Variants in GDPD1 observed in about 807,000 individuals in gnomAD.
The protein encoded by GDPD1 is lysophospholipase D GDPD1.
GDPD1 carries 28 observed loss-of-function variants against 45.1 expected under a neutral mutation model. The observed-to-expected ratio is 0.62, with a 90% confidence interval of 0.46 to 0.85. The LOEUF is 0.85. Among genes scored for constraint, GDPD1 ranks in the 40% least tolerant of loss-of-function variants. GDPD1 has a pLI of 0.00. For synonymous variants in GDPD1, 139 were observed against 131.4 expected (o/e 1.06, Z -0.40); for missense variants, 256 against 364.8 (o/e 0.70, Z 2.43).
intron 6 of GDPD1, among the ~76,000 whole-genome samples, chr17:59,258,279 C>A (rs2047324920): frequency 6.6e-6 from 1 of 151,702 alleles, no homozygotes; most frequent in Non-Finnish European, 1.5e-5. Flanking sequence ...GGCGCAGTGG[C>A]TCACGCCTGT....
At chr17:59,245,996 T>C (rs2047207998) in intron 3 of GDPD1, among the ~76,000 whole-genome samples, 1 of 151,820 alleles carries the variant, frequency 6.6e-6, no homozygotes, top group Non-Finnish European at 1.5e-5. Context: ...GTGGTGCCCC[T>C]GTAATCCCAG....
intron 6 of GDPD1, among the ~76,000 whole-genome samples, chr17:59,266,114 C>T (rs1484750290): frequency 6.6e-6 from 1 of 151,520 alleles, no homozygotes; most frequent in Non-Finnish European, 1.5e-5. Flanking sequence ...TTGGCTGGTG[C>T]GGTGGCTCAC....
At chr17:59,224,848 C>G (rs550058907) in intron 1 of GDPD1, among the ~76,000 whole-genome samples, 1 of 152,060 alleles carries the variant, frequency 6.6e-6, no homozygotes, top group East Asian at 1.9e-4. Flanking sequence ...CAAATTACCA[C>G]TTATTGAAAT....
intron 2 of GDPD1, among the ~76,000 whole-genome samples, chr17:59,236,131 A>AT: frequency 6.6e-6 from 1 of 152,084 alleles, no homozygotes; most frequent in Non-Finnish European, 1.5e-5. Context: ...TTTTTGTTAA[A>AT]TTTTTACCAA....
chr17:59,254,920 A>C (rs2047284867), intron 4 of GDPD1, among the ~76,000 whole-genome samples: 1 of 152,212 alleles, frequency 6.6e-6, no homozygotes, highest in Non-Finnish European at 1.5e-5. Flanking sequence ...GTTATGCTTA[A>C]CAGGTTAGAC....
intron 4 of GDPD1, among the ~76,000 whole-genome samples, chr17:59,256,745 G>A (rs528700650): frequency 6.6e-6 from 1 of 152,016 alleles, no homozygotes; most frequent in Non-Finnish European, 1.5e-5. Context: ...CTGGGTAAAG[G>A]GTACATGGAC....
At chr17:59,222,505 C>CTTTTTTTTTTTTTTTTGTT (rs2047013620) in intron 1 of GDPD1, among the ~76,000 whole-genome samples, 1 of 41,756 alleles carries the variant, frequency 2.4e-5, no homozygotes, top group African/African-American at 9.0e-5. Context: ...AGTGCCCAGC[C>CTTTTTTTTTTTTTTTTGTT]TTTTTTTTTT....
At chr17:59,257,309 G>GTGAC (rs2047317007) in intron 5 of GDPD1, 69 bp downstream of exon 5, 20 of 753,326 alleles carry the variant, frequency 2.7e-5, no homozygotes, top group Non-Finnish European at 4.1e-5. Flanking sequence ...GTTAGAGTCA[G>GTGAC]TGACTGCATA....
chr17:59,268,743 A>G (rs2047420919), intron 7 of GDPD1, among the ~76,000 whole-genome samples: 1 of 151,852 alleles, frequency 6.6e-6, no homozygotes, highest in Non-Finnish European at 1.5e-5. Context: ...GTCATCAGAC[A>G]ATATTGCTAA....
intron 4 of GDPD1, among the ~76,000 whole-genome samples, chr17:59,255,344 TAATCCCAGCACTTAGGGAGGCTG>T (rs893139181): frequency 6.5e-4 from 99 of 152,052 alleles, no homozygotes; most frequent in Non-Finnish European, 1.3e-3. Context: ...CTCACACCTG[TAATCCCAGCACTTAGGGAGGCTG>T]AGGCAGGAGG....
chr17:59,268,803 G>A (rs1370152962), intron 7 of GDPD1, among the ~76,000 whole-genome samples: 1 of 152,058 alleles, frequency 6.6e-6, no homozygotes, highest in African/African-American at 2.4e-5. Context: ...CAACATTTTG[G>A]GAGGCCGAGG....
At chr17:59,267,283 T>G in intron 7 of GDPD1, 109 bp downstream of exon 7, 1 of 993,078 alleles carries the variant, frequency 1.0e-6, no homozygotes, top group Non-Finnish European at 1.5e-6. Context: ...CTGTAGTGAT[T>G]TCCATGTTCT....
chr17:59,260,386 A>G (rs2047346188), intron 6 of GDPD1, among the ~76,000 whole-genome samples: 1 of 152,002 alleles, frequency 6.6e-6, no homozygotes, highest in Non-Finnish European at 1.5e-5. Flanking sequence ...TACTAAAAAT[A>G]CAAAAATTAG....
chr17:59,233,178 T>G (rs556645895), intron 1 of GDPD1, among the ~76,000 whole-genome samples: 2 of 152,120 alleles, frequency 1.3e-5, no homozygotes, highest in Admixed American at 6.6e-5. Context: ...ATCATGCCAC[T>G]GCACTTCAGC....
chr17:59,267,286 C>A, intron 7 of GDPD1, 112 bp downstream of exon 7: 1 of 965,860 alleles, frequency 1.0e-6, no homozygotes, highest in Non-Finnish European at 1.6e-6. Flanking sequence ...TAGTGATTTC[C>A]ATGTTCTATT....
intron 7 of GDPD1, 118 bp downstream of exon 7, chr17:59,267,292 C>T: frequency 3.4e-6 from 3 of 872,352 alleles, no homozygotes; most frequent in Non-Finnish European, 5.3e-6. Context: ...TTTCCATGTT[C>T]TATTACCTGA....
At chr17:59,263,304 TTAAGTC>T (rs1422551359) in intron 6 of GDPD1, among the ~76,000 whole-genome samples, 1 of 152,096 alleles carries the variant, frequency 6.6e-6, no homozygotes, top group Admixed American at 6.6e-5. Context: ...AGTGCTGAGA[TTAAGTC>T]TATAATTCTT....
chr17:59,239,206 A>G (rs896380115), intron 2 of GDPD1, among the ~76,000 whole-genome samples: 12 of 152,236 alleles, frequency 7.9e-5, no homozygotes, highest in Non-Finnish European at 1.6e-4. Flanking sequence ...TATCTATGAA[A>G]TGGGAATAGT....
intron 4 of GDPD1, 81 bp downstream of exon 4, chr17:59,248,866 A>G: frequency 5.0e-6 from 5 of 996,180 alleles, no homozygotes; most frequent in Non-Finnish European, 7.8e-6. Flanking sequence ...TTCTTACTAA[A>G]AGTAACTGAC....
Sources: gnomAD v4.1 joint callset for allele counts (sites outside exome capture counted in the v4.1 genomes callset) on GRCh38, gnomAD v4.1.1 for gene constraint, MANE v1.5 for transcripts, NCBI Gene and HGNC (gene_info 2026-07-23, HGNC 2026-07-21) for gene names.